The following HSD17B7 variants were observed in gnomAD, a reference collection of about 807,000 sequenced individuals.
HSD17B7 encodes the protein 3-keto-steroid reductase/17-beta-hydroxysteroid dehydrogenase 7.
HSD17B7 carries 17 observed loss-of-function variants against 34.1 expected under a neutral mutation model. That is an observed-to-expected ratio of 0.50 (90% CI 0.34 to 0.75). The LOEUF is 0.75. Ranked by LOEUF, HSD17B7 falls within the 30% of genes least tolerant of loss-of-function variation. The pLI is 0.01. For synonymous variants in HSD17B7, 122 were observed against 154.6 expected, an observed-to-expected ratio of 0.79 and a Z score of 1.56; for missense variants, 296 against 406.6, an observed-to-expected ratio of 0.73 and a Z score of 2.34.
intron 2 of HSD17B7, among the ~76,000 whole-genome samples, chr1:162,794,231 A>G (rs1648520939): frequency 6.6e-6 from 1 of 152,232 alleles, no homozygotes; most frequent in African/African-American, 2.4e-5. Flanking sequence ...GGACAGTAGA[A>G]TGAAATGGGT....
chr1:162,801,407 T>C (rs1364609439), intron 5 of HSD17B7, among the ~76,000 whole-genome samples: 1 of 152,174 alleles, frequency 6.6e-6, no homozygotes, highest in Non-Finnish European at 1.5e-5. Context: ...GGGATAGTAA[T>C]AGTGCCTGCC....
chr1:162,801,347 A>G (rs539272951), intron 5 of HSD17B7, among the ~76,000 whole-genome samples: 12 of 152,276 alleles, frequency 7.9e-5, no homozygotes, highest in African/African-American at 2.6e-4. Flanking sequence ...TTGTAACCCT[A>G]GGCATATTAT....
intron 5 of HSD17B7, among the ~76,000 whole-genome samples, chr1:162,801,930 G>A (rs1648828676): frequency 6.6e-6 from 1 of 152,168 alleles, no homozygotes; most frequent in African/African-American, 2.4e-5. Flanking sequence ...TACGAAGGAG[G>A]GAGATTTAGC....
intron 5 of HSD17B7, among the ~76,000 whole-genome samples, chr1:162,801,090 G>A (rs545513445): frequency 3.3e-5 from 5 of 152,116 alleles, no homozygotes; most frequent in Admixed American, 2.0e-4. Context: ...AGTGATTCTT[G>A]TACCTCAGCT....
rs114630349 is a variant in HSD17B7 at position 162,797,889 on chromosome 1, G to A, written c.420G>A (p.Glu140=). ...ITADGLQEVF[E]TNVFGHFILI... is the part of the protein sequence containing the mutation. ...CTGATGGACTTCAGGAGGTGTTTGA[G>A]ACCAATGTCTTTGGCCATTTTATCC... is the stretch of plus-strand genomic sequence containing the variant. The change falls in exon 4 of 9, where the codon GAG becomes GAA. Residue 140 remains glutamate, a synonymous_variant. Transcript: ENST00000254521. The A allele has an allele frequency of 3.8e-3, 6,077 of 1,613,890 alleles. 198 individuals carry two copies. The African/African-American group carries it at 0.071, about 19-fold the overall frequency.
In HSD17B7 at chr1:162,805,415, C is replaced by G. The variant is rs372744996; in HGVS notation, c.826C>G (p.Pro276Ala). The G allele has an allele frequency of 5.6e-6, 9 of 1,612,958 alleles. No homozygotes were observed. The highest frequency in any genetic ancestry group is 7.6e-6 in the Non-Finnish European group (9 of 1,179,320). The change falls in exon 8 of 9, where the codon CCT becomes GCT. Residue 276 changes from proline (P) to alanine (A), a missense_variant. Coordinates refer to ENST00000254521, the MANE Select transcript of HSD17B7 (RefSeq NM_016371.4). ...EALVWLFHQK[P>A]ESLNPLIKYL... ...CCAGGTATGGCTTTTCCACCAAAAGCCTGAATCTCTCAATCCTCTGATCAA... is the reference window on the plus strand; with the variant it reads ...CCAGGTATGGCTTTTCCACCAAAAGGCTGAATCTCTCAATCCTCTGATCAA...
intron 8 of HSD17B7, among the ~76,000 whole-genome samples, chr1:162,810,158 C>T (rs1469407226): frequency 6.6e-6 from 1 of 152,136 alleles, no homozygotes. Context: ...TGTCTTTGTT[C>T]TCATTGGTTT....
At chr1:162,807,740 T>A (rs1649033432) in intron 8 of HSD17B7, among the ~76,000 whole-genome samples, 1 of 152,218 alleles carries the variant, frequency 6.6e-6, no homozygotes, top group South Asian at 2.1e-4. Flanking sequence ...ATGAGCATTT[T>A]TTCATGTGTC....
chr1:162,798,950 T>C, intron 4 of HSD17B7: 2 of 261,088 alleles, frequency 7.7e-6, no homozygotes, highest in Non-Finnish European at 8.0e-6. Context: ...GCCGAGGTCA[T>C]GCCATTGGAC....
chr1:162,804,882 C>G (rs1267083689), intron 7 of HSD17B7, among the ~76,000 whole-genome samples: 1 of 152,230 alleles, frequency 6.6e-6, no homozygotes, highest in Non-Finnish European at 1.5e-5. Context: ...CTGCTATACA[C>G]ACGTGATGTC....
Position 162,792,830 on chromosome 1 carries a change from G to A in HSD17B7, c.207G>A (p.Ser69=), listed in dbSNP as rs2998104. 3.0e-5 allele frequency: 48 copies of A among 1,614,006 alleles called. No individual in the cohort carries two copies. Among genetic ancestry groups the A allele is most frequent in the Admixed American group, 5.0e-5 (3 of 60,000 alleles). The change falls in exon 2 of 9, where the codon TCG becomes TCA. Residue 69 remains serine, a synonymous_variant. Coordinates refer to ENST00000254521, the MANE Select transcript of HSD17B7 (RefSeq NM_016371.4). ...IVQVDVSNLQ[S]VFRASKELKQ... The stretch of plus-strand genomic sequence containing the variant: ...AGGTGGATGTCAGCAACCTGCAGTC[G>A]GTCTTCCGGGCCTCCAAGGAACTTA...
At chr1:162,810,481 C>T (rs1649138711) in intron 8 of HSD17B7, among the ~76,000 whole-genome samples, 1 of 152,178 alleles carries the variant, frequency 6.6e-6, no homozygotes, top group Admixed American at 6.5e-5. Flanking sequence ...TGGTGCAGAG[C>T]TGAGTTCAAT....
At chr1:162,793,017 A>G in intron 2 of HSD17B7, 155 bp downstream of exon 2, 1 of 597,704 alleles carries the variant, frequency 1.7e-6, no homozygotes, top group Non-Finnish European at 2.8e-6. Context: ...GTGTCTCAGT[A>G]CCACGTTTTC....
intron 1 of HSD17B7, chr1:162,792,439 A>G: frequency 1.7e-6 from 1 of 596,162 alleles, no homozygotes; most frequent in South Asian, 2.2e-5. Flanking sequence ...TTGTCATTGA[A>G]GTTTTTCAAA....
Position 162,792,743 on chromosome 1 carries a change from G to A in HSD17B7, c.120G>A (p.Lys40=). 6.2e-7 allele frequency: 1 copy of A among 1,614,190 alleles called. No individual in the cohort carries two copies. Among genetic ancestry groups the A allele is most frequent in the Non-Finnish European group, 8.5e-7 (1 of 1,180,044 alleles). ...HLCLACRNMS[K]AEAVCAALLA... is the part of the protein sequence containing the mutation. Reference sequence around the variant, plus strand: ...GTTTGGCGTGCAGGAACATGAGCAAGGCAGAAGCTGTCTGTGCTGCTCTGC... The same window carrying A: ...GTTTGGCGTGCAGGAACATGAGCAAAGCAGAAGCTGTCTGTGCTGCTCTGC... The change falls in exon 2 of 9, where the codon AAG becomes AAA. Residue 40 remains lysine (K), a synonymous_variant. Transcript: ENST00000254521.
Position 162,796,688 on chromosome 1 carries a change from T to C in HSD17B7, c.332+11T>C. 1 of 1,477,382 alleles carries C rather than the reference T, an allele frequency of 6.8e-7. No individual in the cohort carries two copies. The allele number at this position is 1,477,382 out of a possible 1,614,324, so 91.5% of individuals were successfully genotyped here. ...TGGCCTCTTTTCAAGGTAATTTTCGTTTTATGGATGAACTGATTGGAAGGA... is the reference window on the plus strand; with the variant it reads ...TGGCCTCTTTTCAAGGTAATTTTCGCTTTATGGATGAACTGATTGGAAGGA... On this transcript the variant is annotated intron_variant, in intron 3 of 8. Transcript: ENST00000254521.
chr1:162,811,194 TC>T (rs958905802), intron 8 of HSD17B7, among the ~76,000 whole-genome samples: 2 of 152,200 alleles, frequency 1.3e-5, no homozygotes, highest in African/African-American at 4.8e-5. Flanking sequence ...ATTTTATTTC[TC>T]CTTCACTTAT....
chr1:162,801,024 G>C (rs968157333), intron 5 of HSD17B7, among the ~76,000 whole-genome samples: 3 of 152,124 alleles, frequency 2.0e-5, no homozygotes, highest in African/African-American at 7.2e-5. Context: ...CTGTTGCCCA[G>C]GCTGGAGTGC....
intron 8 of HSD17B7, among the ~76,000 whole-genome samples, chr1:162,811,459 G>A (rs1415684714): frequency 6.6e-6 from 1 of 151,882 alleles, no homozygotes; most frequent in African/African-American, 2.4e-5. Flanking sequence ...TGTTCTTGAA[G>A]TTTAGGCTCT....
Sources: gnomAD v4.1 joint callset for allele counts (sites outside exome capture counted in the v4.1 genomes callset) on GRCh38, gnomAD v4.1.1 for gene constraint, MANE v1.5 for transcripts, NCBI Gene and HGNC (gene_info 2026-07-23, HGNC 2026-07-21) for gene names.